Variants in CATSPERE observed in about 807,000 individuals in gnomAD.
CATSPERE encodes the protein catsper channel auxiliary subunit epsilon.
Under a neutral mutation model 114.1 loss-of-function variants are expected in CATSPERE, and 93 were observed. That is an observed-to-expected ratio of 0.81 (90% CI 0.69 to 0.97). The LOEUF (loss-of-function observed/expected upper bound fraction) is 0.97. CATSPERE is among the 50% of genes least tolerant of loss of function. CATSPERE has a pLI of 0.00. For missense variants in CATSPERE, 1,058 were observed against 1,131.6 expected, an observed-to-expected ratio of 0.93 and a Z score of 0.93; for synonymous variants, 341 against 384.1, an observed-to-expected ratio of 0.89 and a Z score of 1.31.
rs149151979 is a variant in CATSPERE at position 244,572,469 on chromosome 1, A to G, written c.1647A>G (p.Gln549=). The change falls in exon 11 of 22, where the codon CAA becomes CAG. Residue 549 remains glutamine, a synonymous_variant. Transcript: ENST00000366534. ...TCATTTTCTTAAGTACATCTGGTCA[A>G]ACATATTTCCTGTATGCTTTGGATG... ...RAFIFLSTSG[Q]TYFLYALDDG... is the part of the protein sequence containing the mutation. 3.5e-5 allele frequency: 57 copies of G among 1,614,026 alleles called. No individual in the cohort carries two copies. The highest frequency in any genetic ancestry group is 4.7e-5 in the Non-Finnish European group (56 of 1,179,980).
chr1:244,561,169 C>G (rs755389716), intron 10 of CATSPERE, 24 bp downstream of exon 10: 1 of 1,418,196 alleles, frequency 7.1e-7, no homozygotes, highest in Non-Finnish European at 9.8e-7. Context: ...AGTCCACTAA[C>G]ATTATTCTAG....
intron 10 of CATSPERE, among the ~76,000 whole-genome samples, chr1:244,562,311 T>TA (rs1662696215): frequency 6.6e-6 from 1 of 152,198 alleles, no homozygotes; most frequent in Non-Finnish European, 1.5e-5. Context: ...CTATGCACAC[T>TA]ACTGTCTAAT....
At chr1:244,463,316 T>A (rs1306995264) in intron 1 of CATSPERE, among the ~76,000 whole-genome samples, 1 of 152,056 alleles carries the variant, frequency 6.6e-6, no homozygotes, top group African/African-American at 2.4e-5. Context: ...GTTAGATGAA[T>A]CAGATAGACG....
chr1:244,480,896 A>G lies in CATSPERE; in HGVS notation c.326+1112A>G, dbSNP rs1007222659. Among the ~76,000 whole-genome samples the G allele has an allele frequency of 5.3e-5, 8 of 152,218 alleles. No homozygotes were observed. The East Asian group carries it at 9.7e-4, about 18-fold the overall frequency. ...CCGGCAGGCTTCTGTCCTTGTTGGC[A>G]CTTTCAGAAATCCCAGTCCCCAGCT... On this transcript the variant is annotated intron_variant, in intron 5 of 21. Transcript: ENST00000366534.
intron 10 of CATSPERE, among the ~76,000 whole-genome samples, chr1:244,562,255 G>C (rs1041173887): frequency 4.0e-5 from 6 of 149,442 alleles, no homozygotes; most frequent in Non-Finnish European, 8.9e-5. Context: ...ACATATAATA[G>C]ATATAAAACG....
intron 13 of CATSPERE, among the ~76,000 whole-genome samples, chr1:244,585,857 G>A (rs1666947808): frequency 6.6e-6 from 1 of 152,202 alleles, no homozygotes; most frequent in African/African-American, 2.4e-5. Context: ...ACCAAGAACT[G>A]GAAATGCAGA....
chr1:244,602,043 A>G (rs555479761), intron 17 of CATSPERE, among the ~76,000 whole-genome samples: 1 of 151,574 alleles, frequency 6.6e-6, no homozygotes, highest in East Asian at 2.0e-4. Context: ...GGAAATCTCT[A>G]TGAGGTCAAG....
At chr1:244,605,657 T>C (rs996975243) in intron 17 of CATSPERE, 38 bp from the exon 18 acceptor site, 1 of 1,406,882 alleles carries the variant, frequency 7.1e-7, no homozygotes, top group Non-Finnish European at 1.0e-6. Context: ...CTCTATTTTA[T>C]ATTAAACTAG....
chr1:244,479,739 TTG>T lies in CATSPERE; in HGVS notation c.284_285del (p.Val95GlyfsTer12). 3.7e-6 allele frequency: 6 copies of T among 1,600,872 alleles called. No homozygotes were observed. The highest frequency in any genetic ancestry group is 5.1e-6 in the Non-Finnish European group (6 of 1,171,214). The stretch of plus-strand genomic sequence containing the variant: ...TAGGATGAAGAAGAACGCTATTTAT[TTG>T]TGGAAAGTTCTCATACTTGCTTTCT... On this transcript the variant is annotated frameshift_variant, in exon 5 of 22. Coordinates refer to ENST00000366534, the MANE Select transcript of CATSPERE (RefSeq NM_001130957.2). LOFTEE classifies it high-confidence loss of function.
chr1:244,531,484 A>C (rs991836717), intron 8 of CATSPERE, among the ~76,000 whole-genome samples: 3 of 151,954 alleles, frequency 2.0e-5, no homozygotes, highest in Admixed American at 1.3e-4. Flanking sequence ...GGCTTTTATC[A>C]TGTTGAAGTA....
chr1:244,595,161 C>T (rs1239464810), intron 17 of CATSPERE, among the ~76,000 whole-genome samples: 2 of 152,108 alleles, frequency 1.3e-5, no homozygotes, highest in Admixed American at 1.3e-4. Flanking sequence ...CGGTGCTAGG[C>T]CCTGGAAATG....
chr1:244,610,455 T>C (rs758009490), intron 19 of CATSPERE, 129 bp downstream of exon 19: 38 of 722,550 alleles, frequency 5.3e-5, no homozygotes, highest in Non-Finnish European at 2.5e-6. Flanking sequence ...TATTTTTATA[T>C]TAAATTGTAT....
At chr1:244,470,217 T>C (rs1464291328) in intron 2 of CATSPERE, among the ~76,000 whole-genome samples, 1 of 152,216 alleles carries the variant, frequency 6.6e-6, no homozygotes, top group Admixed American at 6.5e-5. Flanking sequence ...TTTGTGCTTC[T>C]AAGGACATCA....
intron 15 of CATSPERE, among the ~76,000 whole-genome samples, chr1:244,592,171 A>C (rs1667812422): frequency 6.6e-6 from 1 of 152,214 alleles, no homozygotes; most frequent in South Asian, 2.1e-4. Context: ...CAACGTGGCG[A>C]AACCCCATTT....
chr1:244,490,833 T>A (rs1384793333), intron 6 of CATSPERE, among the ~76,000 whole-genome samples: 2 of 152,134 alleles, frequency 1.3e-5, no homozygotes, highest in Non-Finnish European at 2.9e-5. Flanking sequence ...GAAAAATAGT[T>A]ATTTTTCATA....
At chr1:244,531,144 G>A (rs938771067) in intron 8 of CATSPERE, among the ~76,000 whole-genome samples, 4 of 150,928 alleles carry the variant, frequency 2.7e-5, no homozygotes, top group African/African-American at 9.7e-5. Flanking sequence ...GCCGAGGCAG[G>A]AGAATCGCTT....
chr1:244,576,979 G>T (rs1398659733), intron 11 of CATSPERE, among the ~76,000 whole-genome samples: 1 of 151,772 alleles, frequency 6.6e-6, no homozygotes, highest in Non-Finnish European at 1.5e-5. Flanking sequence ...TTTAAAATAG[G>T]TCCATTTATT....
intron 20 of CATSPERE, among the ~76,000 whole-genome samples, chr1:244,625,256 C>T (rs1360826324): frequency 6.6e-6 from 1 of 150,918 alleles, no homozygotes; most frequent in African/African-American, 2.4e-5. Flanking sequence ...TGTTAGTAGG[C>T]ATGATAGGCA....
intron 5 of CATSPERE, among the ~76,000 whole-genome samples, chr1:244,480,046 A>C (rs1006239775): frequency 4.6e-5 from 7 of 152,212 alleles, no homozygotes; most frequent in African/African-American, 1.7e-4. Context: ...TAACCACACA[A>C]ATGTAAGTCT....
Sources: gnomAD v4.1 joint callset for allele counts (sites outside exome capture counted in the v4.1 genomes callset) on GRCh38, gnomAD v4.1.1 for gene constraint, MANE v1.5 for transcripts, NCBI Gene and HGNC (gene_info 2026-07-23, HGNC 2026-07-21) for gene names.